Variants in CIB1 observed in about 807,000 individuals in gnomAD.
CIB1 encodes the protein calcium and integrin binding 1, also known as calcium and integrin-binding protein 1.
Under a neutral mutation model 25.0 loss-of-function variants are expected in CIB1, and 19 were observed. That is an observed-to-expected ratio of 0.76 (90% CI 0.53 to 1.12). The LOEUF (loss-of-function observed/expected upper bound fraction) is 1.12. Ranked by LOEUF, CIB1 falls within the 50% of genes most tolerant of loss-of-function variation. CIB1 has a pLI of 0.00. For missense variants in CIB1, 236 were observed against 242.6 expected (o/e 0.97, Z 0.18); for synonymous variants, 104 against 98.5 (o/e 1.06, Z -0.33).
At chr15:90,262,072 G>A in the CIB1 span, 1 of 1,536,028 alleles carries the variant, frequency 6.5e-7, no homozygotes, top group Non-Finnish European at 8.7e-7. Flanking sequence ...ATTCTCACCT[G>A]GGAAAATACC....
chr15:90,253,494 AC>A, the CIB1 span: 2 of 521,452 alleles, frequency 3.8e-6, no homozygotes, highest in Middle Eastern at 2.9e-4. Context: ...AAGAAAGACC[AC>A]CCCCAGGGTC....
chr15:90,230,853 C>G, intron 6 of CIB1, 81 bp downstream of exon 6: 1 of 1,234,054 alleles, frequency 8.1e-7, no homozygotes, highest in South Asian at 1.2e-5. Flanking sequence ...CTGGCACCAC[C>G]TCCTGTAGCC....
upstream of CIB1, among the ~76,000 whole-genome samples, chr15:90,234,875 A>T (rs1962599245): frequency 6.6e-6 from 1 of 152,238 alleles, no homozygotes; most frequent in Non-Finnish European, 1.5e-5. Flanking sequence ...AAATGAATGA[A>T]CGTATACTAT....
the CIB1 span, chr15:90,261,959 A>G: frequency 2.1e-6 from 3 of 1,444,234 alleles, no homozygotes; most frequent in South Asian, 4.1e-5. Flanking sequence ...TCCCTACTGA[A>G]CATTCCCACA....
chr15:90,262,152 A>G, the CIB1 span: 2,447 of 1,535,678 alleles, frequency 1.6e-3, 25 homozygotes, highest in African/African-American at 0.028. Flanking sequence ...TCCCTCTTCC[A>G]AGAGACTGCT....
chr15:90,253,164 G>A, the CIB1 span: 61 of 1,088,292 alleles, frequency 5.6e-5, no homozygotes, highest in Non-Finnish European at 7.5e-5. Flanking sequence ...CGGGTCAGGT[G>A]TATACCTTAC....
the CIB1 span, chr15:90,241,727 A>G: frequency 4.3e-6 from 7 of 1,614,228 alleles, no homozygotes; most frequent in Non-Finnish European, 5.9e-6. Flanking sequence ...TAAGCAGGGT[A>G]TGTCGGGCCA....
chr15:90,256,594 TTTCTTTCTTTCTTTCCTTCC>T, the CIB1 span, among the ~76,000 whole-genome samples: 23 of 33,052 alleles, frequency 7.0e-4, 1 homozygote, highest in East Asian at 0.011. Context: ...TCTTTCTTTC[TTTCTTTCTTTCTTTCCTTCC>T]TTCCTTCCTT....
At chr15:90,242,325 A>C in the CIB1 span, 1 of 257,938 alleles carries the variant, frequency 3.9e-6, no homozygotes, top group African/African-American at 2.6e-5. Context: ...GCGTTTCACC[A>C]TGTTGCCCAG....
upstream of CIB1, among the ~76,000 whole-genome samples, chr15:90,236,735 A>T (rs1962643336): frequency 1.3e-5 from 2 of 151,160 alleles, no homozygotes; most frequent in Non-Finnish European, 3.0e-5. Context: ...ACGGGGTTTC[A>T]CCATGTCGGC....
chr15:90,242,074 G>T, the CIB1 span: 4 of 1,586,418 alleles, frequency 2.5e-6, no homozygotes, highest in Non-Finnish European at 3.4e-6. Flanking sequence ...TAATACTTCT[G>T]GATGTATTTA....
chr15:90,253,195 C>T, the CIB1 span: 25 of 1,483,180 alleles, frequency 1.7e-5, no homozygotes, highest in Non-Finnish European at 2.3e-5. Context: ...TACACAGTTC[C>T]AGGGCTTGTT....
At chr15:90,263,540 CAACAAAAG>C in the CIB1 span, 3 of 550,438 alleles carry the variant, frequency 5.5e-6, no homozygotes, top group Non-Finnish European at 9.7e-6. Context: ...AGATTTGGGC[CAACAAAAG>C]AGCTGCCGCT....
the CIB1 span, among the ~76,000 whole-genome samples, chr15:90,247,291 C>CT: frequency 7.1e-6 from 1 of 141,386 alleles, no homozygotes; most frequent in African/African-American, 3.0e-5. Flanking sequence ...CTTTTCTTTT[C>CT]TTTTTTCTTT....
the CIB1 span, among the ~76,000 whole-genome samples, chr15:90,255,391 C>T: frequency 3.3e-5 from 5 of 152,094 alleles, no homozygotes; most frequent in Admixed American, 6.6e-5. Flanking sequence ...GGAATGCTTT[C>T]GTCTCATTGT....
the CIB1 span, among the ~76,000 whole-genome samples, chr15:90,256,614 C>CT: frequency 9.8e-3 from 422 of 42,852 alleles, 8 homozygotes; most frequent in African/African-American, 0.033. Context: ...TCTTTCCTTC[C>CT]TTCCTTCCTT....
chr15:90,263,955 CT>C, the CIB1 span: 1 of 1,535,486 alleles, frequency 6.5e-7, no homozygotes. Context: ...AGCCCAAGAA[CT>C]TCAACTGGAC....
At chr15:90,257,799 G>C in the CIB1 span, 1 of 1,417,682 alleles carries the variant, frequency 7.1e-7, no homozygotes, top group Non-Finnish European at 9.9e-7. Flanking sequence ...AACCAAGCTG[G>C]CTCTTGGGAG....
the CIB1 span, chr15:90,257,052 T>C: frequency 7.0e-5 from 88 of 1,253,392 alleles, no homozygotes; most frequent in African/African-American, 1.2e-3. Flanking sequence ...GAAATTCAAT[T>C]AGCTATGTGT....
Sources: allele counts gnomAD v4.1 joint callset (sites outside exome capture counted in the v4.1 genomes callset), GRCh38; gene constraint gnomAD v4.1.1; transcripts MANE v1.5; gene names NCBI Gene and HGNC (gene_info 2026-07-23, HGNC 2026-07-21).